LRRCC1: variants seen among roughly 807,000 people sequenced by gnomAD.
The protein encoded by LRRCC1 is leucine-rich repeat and coiled-coil domain-containing protein 1.
Under a neutral mutation model 126.0 loss-of-function variants are expected in LRRCC1, and 115 were observed. The observed-to-expected ratio is 0.91, with a 90% CI of 0.78 to 1.07. The LOEUF (loss-of-function observed/expected upper bound fraction) is 1.07, where lower values mean the gene tolerates loss of function less well. Among genes scored for constraint, LRRCC1 ranks in the 50% least tolerant of loss-of-function variants. The pLI, the probability that LRRCC1 is intolerant of heterozygous loss-of-function variation, is 0.00. For synonymous variants in LRRCC1, 400 were observed against 393.4 expected, an observed-to-expected ratio of 1.02 and a Z score of -0.20; for missense variants, 1,172 against 1,175.7, an observed-to-expected ratio of 1.00 and a Z score of 0.05.
chr8:85,143,058 C>G (rs1323391154), intron 18 of LRRCC1, among the ~76,000 whole-genome samples: 1 of 152,058 alleles, frequency 6.6e-6, no homozygotes, highest in Non-Finnish European at 1.5e-5. Flanking sequence ...GGTGCAGTGT[C>G]TCATGCCTGT....
intron 1 of LRRCC1, 32 bp from the exon 2 acceptor site, chr8:85,109,563 T>A (rs546202548): frequency 1.5e-6 from 2 of 1,296,552 alleles, no homozygotes; most frequent in Non-Finnish European, 1.1e-6. Context: ...GCTTTTAAAA[T>A]CTATTTTTAT....
chr8:85,126,712 A>AG lies in LRRCC1; in HGVS notation c.1297dup (p.Glu433GlyfsTer9), dbSNP rs1563943929. The AG allele has an allele frequency of 6.2e-7, 1 of 1,600,798 alleles. No homozygotes were observed. The highest frequency in any genetic ancestry group is 1.7e-5 in the Admixed American group (1 of 59,376). On this transcript the variant is annotated frameshift_variant, in exon 9 of 19. Transcript: ENST00000360375. LOFTEE classifies it high-confidence loss of function. ...AGTCCCTTGTTGAACAGCTAGACCA[A>AG]GAGAGAGAGAAGAGATGGAGAGCTG... is the stretch of plus-strand genomic sequence containing the variant.
At chr8:85,135,678 A>G (rs1253317757) in intron 13 of LRRCC1, 111 bp from the exon 14 acceptor site, 2 of 672,298 alleles carry the variant, frequency 3.0e-6, no homozygotes, top group African/African-American at 1.9e-5. Flanking sequence ...AAATTTGGTA[A>G]TATTTACTTG....
intron 6 of LRRCC1, among the ~76,000 whole-genome samples, chr8:85,122,519 C>A (rs1197172046): frequency 6.6e-6 from 1 of 152,150 alleles, no homozygotes; most frequent in Admixed American, 6.5e-5. Flanking sequence ...TACTATTAAT[C>A]TCAGTCAGTT....
chr8:85,110,138 A>T lies in LRRCC1; in HGVS notation c.334A>T (p.Thr112Ser). 7.5e-7 allele frequency: 1 copy of T among 1,326,380 alleles called. No individual in the cohort carries two copies. The highest frequency in any genetic ancestry group is 1.0e-6 in the Non-Finnish European group (1 of 959,274). 82.2% of individuals were successfully genotyped at this position (1,326,380 alleles called of 1,614,324 possible). Residue 112 changes from threonine to serine, a missense_variant, in exon 3 of 19, where the codon ACT becomes TCT. By Grantham distance (58) the Thr-to-Ser change is moderately conservative. Transcript: ENST00000360375. ...VEGLEELINLTRLNVSYNHID... is the reference protein window; with the variant it reads ...VEGLEELINLSRLNVSYNHID... Reference sequence around the variant, plus strand: ...AGGACTTGAAGAACTAATTAATCTGACTAGACTAAATGTATCTTATAACCA... The same window carrying T: ...AGGACTTGAAGAACTAATTAATCTGTCTAGACTAAATGTATCTTATAACCA...
intron 6 of LRRCC1, among the ~76,000 whole-genome samples, chr8:85,117,633 A>C (rs1809225686): frequency 6.6e-6 from 1 of 152,174 alleles, no homozygotes; most frequent in Non-Finnish European, 1.5e-5. Flanking sequence ...TATGTCTGTG[A>C]AAAGCTGTTT....
At chr8:85,126,161 G>T (rs1394607019) in intron 8 of LRRCC1, among the ~76,000 whole-genome samples, 2 of 152,064 alleles carry the variant, frequency 1.3e-5, no homozygotes, top group Non-Finnish European at 2.9e-5. Flanking sequence ...TTCAAAAAAG[G>T]AATCTTATCT....
At chr8:85,132,079 A>G in intron 12 of LRRCC1, 118 bp downstream of exon 12, 1 of 823,274 alleles carries the variant, frequency 1.2e-6, no homozygotes, top group Admixed American at 3.3e-5. Context: ...CTTAAGTAAA[A>G]TATATAAATT....
intron 11 of LRRCC1, 42 bp from the exon 12 acceptor site, chr8:85,131,718 G>A: frequency 6.8e-7 from 1 of 1,462,096 alleles, no homozygotes; most frequent in Non-Finnish European, 9.4e-7. Flanking sequence ...TTTCTTTTCA[G>A]GTGAGTATCA....
chr8:85,136,052 C>A (rs1810837636), intron 14 of LRRCC1, 89 bp downstream of exon 14: 1 of 1,110,380 alleles, frequency 9.0e-7, no homozygotes, highest in African/African-American at 1.6e-5. Context: ...TCAACTCTGC[C>A]TAAAGATGCC....
intron 18 of LRRCC1, 23 bp downstream of exon 18, chr8:85,141,540 C>A (rs371466822): frequency 6.5e-7 from 1 of 1,548,928 alleles, no homozygotes. Context: ...AAATTCACTT[C>A]AATAATCAGT....
intron 10 of LRRCC1, 140 bp from the exon 11 acceptor site, chr8:85,129,779 G>A: frequency 1.6e-6 from 1 of 627,020 alleles, no homozygotes; most frequent in Non-Finnish European, 2.6e-6. Flanking sequence ...TTGTGTGACT[G>A]TAACATCATT....
At chr8:85,128,419 ACCCCCCCAC>A (rs1810179749) in intron 9 of LRRCC1, among the ~76,000 whole-genome samples, 2 of 75,446 alleles carry the variant, frequency 2.7e-5, no homozygotes, top group Admixed American at 1.6e-4. Context: ...TATCTGTGCC[ACCCCCCCAC>A]CCCCCCCACC....
intron 6 of LRRCC1, among the ~76,000 whole-genome samples, chr8:85,119,370 T>A (rs1163765881): frequency 6.6e-6 from 1 of 152,206 alleles, no homozygotes; most frequent in African/African-American, 2.4e-5. Context: ...GGGGTTTTGA[T>A]GATCTTTTCA....
chr8:85,112,897 G>A (rs748710880), intron 3 of LRRCC1, 35 bp from the exon 4 acceptor site: 4 of 1,477,412 alleles, frequency 2.7e-6, no homozygotes, highest in Non-Finnish European at 2.7e-6. Context: ...AAAGACTATT[G>A]CTGTGGCATT....
In LRRCC1 at chr8:85,115,557, T is replaced by C. The variant is rs1453452144; in HGVS notation, c.903T>C (p.Asp301=). Residue 301 remains aspartate, a synonymous_variant, in exon 6 of 19, where the codon GAT becomes GAC. Transcript: ENST00000360375. ...ATGAGATAAAACTTCAGAAATTAGA[T>C]GACCAAATTCTACAACTTCTAAATG... ...LQNEIKLQKL[D]DQILQLLNET... 6.2e-7 allele frequency: 1 copy of C among 1,609,260 alleles called. No individual in the cohort carries two copies. The highest frequency in any genetic ancestry group is 1.7e-5 in the Admixed American group (1 of 59,766).
In LRRCC1 at chr8:85,126,723, A is replaced by C. The variant is rs1447407149; in HGVS notation, c.1307A>C (p.Lys436Thr). 1 of 1,612,806 alleles carries C rather than the reference A, an allele frequency of 6.2e-7. No individual in the cohort carries two copies. Among genetic ancestry groups the C allele is most frequent in the Admixed American group, 1.7e-5 (1 of 60,004 alleles). ...GAACAGCTAGACCAAGAGAGAGAGA[A>C]GAGATGGAGAGCTGAGCAAGCCGAA... Reference protein sequence around the residue: ...LVEQLDQEREKRWRAEQAENK... With the variant: ...LVEQLDQERETRWRAEQAENK... The change falls in exon 9 of 19, where the codon AAG becomes ACG. Residue 436 changes from lysine (K) to threonine (T), a missense_variant. Lys to Thr is a moderately conservative substitution (Grantham distance 78, BLOSUM62 -1). Transcript: ENST00000360375.
rs767450875 is a variant in LRRCC1, at chr8:85,131,928, T to C, written c.1935T>C (p.Ile645=). 3 of 1,612,710 alleles carry C rather than the reference T, an allele frequency of 1.9e-6. No individual in the cohort carries two copies. Among genetic ancestry groups the C allele is most frequent in the South Asian group, 2.2e-5 (2 of 90,458 alleles). ...QYMDLENEFR[I]ALTVEARRFQ... is the part of the protein sequence containing the mutation. ...TGGATTTAGAAAATGAATTCCGTAT[T>C]GCTTTAACTGTTGAAGCCAGAAGAT... is the stretch of plus-strand genomic sequence containing the variant. The change falls in exon 12 of 19, where the codon ATT becomes ATC. Residue 645 remains isoleucine, a synonymous_variant. Transcript: ENST00000360375.
intron 12 of LRRCC1, among the ~76,000 whole-genome samples, chr8:85,132,469 TC>T (rs1189216107): frequency 6.9e-6 from 1 of 145,642 alleles, no homozygotes; most frequent in Non-Finnish European, 1.5e-5. Flanking sequence ...CTTGGCTCAC[TC>T]CAATTTCTGC....
Sources: allele counts gnomAD v4.1 joint callset (sites outside exome capture counted in the v4.1 genomes callset), GRCh38; gene constraint gnomAD v4.1.1; transcripts MANE v1.5; gene names NCBI Gene and HGNC (gene_info 2026-07-23, HGNC 2026-07-21).